EPHB2: variants seen among roughly 807,000 people sequenced by gnomAD.
EPHB2 encodes EPH receptor B2, also known as ephrin type-B receptor 2.
Under a neutral mutation model 96.4 loss-of-function variants are expected in EPHB2, and 18 were observed. The ratio of observed to expected loss-of-function variants is 0.19; its 90% CI spans 0.13 to 0.28. The LOEUF (loss-of-function observed/expected upper bound fraction) is 0.28. EPHB2 is among the 10% of genes least tolerant of loss of function. The probability of loss-of-function intolerance (pLI) is 1.00; values close to 1 mark genes in which losing one functional copy is unlikely to be tolerated. For synonymous variants in EPHB2, 506 were observed against 534.1 expected, an observed-to-expected ratio of 0.95 and a Z score of 0.72; for missense variants, 989 against 1,355.4, an observed-to-expected ratio of 0.73 and a Z score of 4.25.
chr1:22,715,725 G>A (rs1643275834), intron 1 of EPHB2, among the ~76,000 whole-genome samples: 1 of 152,208 alleles, frequency 6.6e-6, no homozygotes, highest in South Asian at 2.1e-4. Flanking sequence ...GTCAGGGGCT[G>A]GTTGGGAGAA....
At chr1:22,836,196 T>C (rs1645381439) in intron 3 of EPHB2, among the ~76,000 whole-genome samples, 1 of 152,170 alleles carries the variant, frequency 6.6e-6, no homozygotes, top group South Asian at 2.1e-4. Flanking sequence ...CTTCTGATCG[T>C]CTACACTCCA....
intron 1 of EPHB2, among the ~76,000 whole-genome samples, chr1:22,753,000 T>C (rs1644088401): frequency 6.6e-6 from 1 of 152,018 alleles, no homozygotes; most frequent in African/African-American, 2.4e-5. Context: ...AGGCTGCTCT[T>C]GAACTCCTGG....
At chr1:22,754,332 G>A (rs183576952) in intron 1 of EPHB2, among the ~76,000 whole-genome samples, 1 of 152,318 alleles carries the variant, frequency 6.6e-6, no homozygotes, top group Admixed American at 6.5e-5. Context: ...TCTATTTCCT[G>A]GGTAAATGTA....
chr1:22,847,471 C>T (rs918603815), intron 3 of EPHB2, among the ~76,000 whole-genome samples: 1 of 152,164 alleles, frequency 6.6e-6, no homozygotes, highest in African/African-American at 2.4e-5. Flanking sequence ...CTGGACACAA[C>T]AGGGGAGGAA....
chr1:22,781,534 G>A (rs2148419824), intron 2 of EPHB2, 49 bp downstream of exon 2: 1 of 1,599,962 alleles, frequency 6.3e-7, no homozygotes, highest in South Asian at 1.1e-5. Flanking sequence ...GATCCCTCAA[G>A]CCCTGCTGCA....
At chr1:22,825,881 G>A (rs879837677) in intron 3 of EPHB2, among the ~76,000 whole-genome samples, 1 of 152,226 alleles carries the variant, frequency 6.6e-6, no homozygotes, top group Non-Finnish European at 1.5e-5. Flanking sequence ...AGGATCGTCT[G>A]GGGGGATGCT....
chr1:22,829,673 G>A (rs1176387186), intron 3 of EPHB2, among the ~76,000 whole-genome samples: 1 of 152,212 alleles, frequency 6.6e-6, no homozygotes, highest in Non-Finnish European at 1.5e-5. Flanking sequence ...GAATGGAATG[G>A]TAGGGCCATT....
intron 1 of EPHB2, among the ~76,000 whole-genome samples, chr1:22,732,885 G>A (rs934546100): frequency 3.3e-5 from 5 of 152,154 alleles, no homozygotes; most frequent in Admixed American, 2.0e-4. Flanking sequence ...CAAAAAATCA[G>A]CTAGTGTCTG....
chr1:22,740,919 G>A (rs759822482), intron 1 of EPHB2, among the ~76,000 whole-genome samples: 11 of 152,082 alleles, frequency 7.2e-5, no homozygotes, highest in Non-Finnish European at 1.2e-4. Flanking sequence ...GCTGGGGGGC[G>A]GTCCGTGTGA....
chr1:22,802,243 A>G (rs2148449034), intron 3 of EPHB2, among the ~76,000 whole-genome samples: 1 of 152,034 alleles, frequency 6.6e-6, no homozygotes, highest in African/African-American at 2.4e-5. Flanking sequence ...TTGGTTCCCC[A>G]TTTGAGGGTT....
At chr1:22,782,784 A>C (rs1245464758) in intron 2 of EPHB2, among the ~76,000 whole-genome samples, 1 of 152,192 alleles carries the variant, frequency 6.6e-6, no homozygotes, top group Non-Finnish European at 1.5e-5. Flanking sequence ...AAAGAAAAAA[A>C]AAAATTAATG....
chr1:22,850,140 A>G (rs1206532095), intron 3 of EPHB2, among the ~76,000 whole-genome samples: 2 of 152,148 alleles, frequency 1.3e-5, no homozygotes, highest in African/African-American at 4.8e-5. Flanking sequence ...TCTGGATCCC[A>G]TAGAAGGGGA....
At chr1:22,848,362 C>T (rs1645574312) in intron 3 of EPHB2, among the ~76,000 whole-genome samples, 1 of 152,164 alleles carries the variant, frequency 6.6e-6, no homozygotes, top group Non-Finnish European at 1.5e-5. Context: ...TAGTGGAAAA[C>T]AAGCTGGAGG....
chr1:22,768,068 G>T (rs964431882), intron 1 of EPHB2, among the ~76,000 whole-genome samples: 3 of 152,228 alleles, frequency 2.0e-5, no homozygotes, highest in African/African-American at 4.8e-5. Flanking sequence ...CATCCACACT[G>T]CTGAGGGCTG....
rs775772189 is a variant in EPHB2, at chr1:22,913,739, A to C, written c.*169A>C. ...ACGAGACGTCACCAAGAAAACATGC[A>C]ACTCAAACGACGGAAAAAAAAAGGG... is the stretch of plus-strand genomic sequence containing the variant. On this transcript the variant is annotated 3_prime_UTR_variant, in exon 16 of 16. Coordinates refer to ENST00000374630, the MANE Select transcript of EPHB2 (RefSeq NM_017449.5). This position sits in a 1 kb window ranked among gnomAD's most constrained non-coding sequence, Gnocchi z 4.1. The C allele has an allele frequency of 1.9e-6, 3 of 1,603,988 alleles. No individual in the cohort carries two copies. Among genetic ancestry groups the C allele is most frequent in the Non-Finnish European group, 2.6e-6 (3 of 1,175,092 alleles).
At chr1:22,751,326 G>A (rs1341337805) in intron 1 of EPHB2, among the ~76,000 whole-genome samples, 2 of 152,200 alleles carry the variant, frequency 1.3e-5, no homozygotes, top group Non-Finnish European at 2.9e-5. Flanking sequence ...GCGCCAGGTG[G>A]CAGGAGCACA....
intron 3 of EPHB2, among the ~76,000 whole-genome samples, chr1:22,813,077 A>G (rs1025739909): frequency 6.6e-6 from 1 of 152,214 alleles, no homozygotes; most frequent in African/African-American, 2.4e-5. Flanking sequence ...GTTATACTTC[A>G]GTATCATACT....
At chr1:22,823,755 C>G (rs748871429) in intron 3 of EPHB2, among the ~76,000 whole-genome samples, 3 of 152,264 alleles carry the variant, frequency 2.0e-5, no homozygotes, top group African/African-American at 7.2e-5. Flanking sequence ...GAGGATTCCA[C>G]TATCTAAGCT....
At chr1:22,802,820 C>T (rs1223703817) in intron 3 of EPHB2, among the ~76,000 whole-genome samples, 2 of 152,174 alleles carry the variant, frequency 1.3e-5, no homozygotes, top group Non-Finnish European at 2.9e-5. Context: ...AGCAAATGCC[C>T]CTGCCCCTCT....
Sources: gnomAD v4.1 joint callset for allele counts (sites outside exome capture counted in the v4.1 genomes callset) on GRCh38, gnomAD v4.1.1 for gene constraint, Gnocchi (gnomAD v3.1) non-coding constraint, MANE v1.5 for transcripts, NCBI Gene and HGNC (gene_info 2026-07-23, HGNC 2026-07-21) for gene names.